The following DENND1B variants were observed in gnomAD, a reference collection of about 807,000 sequenced individuals.
DENND1B encodes DENN domain containing 1B, also known as DENN domain-containing protein 1B.
A neutral mutation model predicts 90.1 loss-of-function variants in DENND1B; 59 were observed. That is an observed-to-expected ratio of 0.65 (90% confidence interval 0.53 to 0.81). DENND1B has a LOEUF of 0.81. DENND1B is among the 40% of genes least tolerant of loss of function. The pLI is 0.00. For synonymous variants in DENND1B, 337 were observed against 324.6 expected (o/e 1.04, Z -0.41); for missense variants, 862 against 912.6 (o/e 0.94, Z 0.71).
At chr1:197,748,166 A>T (rs1652949711) in intron 2 of DENND1B, among the ~76,000 whole-genome samples, 1 of 152,092 alleles carries the variant, frequency 6.6e-6, no homozygotes, top group Non-Finnish European at 1.5e-5. Context: ...ATACTTAGTT[A>T]AAAAAGATAA....
intron 9 of DENND1B, among the ~76,000 whole-genome samples, chr1:197,645,142 G>A (rs533125379): frequency 6.7e-4 from 102 of 152,068 alleles, no homozygotes; most frequent in Non-Finnish European, 1.2e-3. Context: ...GAAAATTTTA[G>A]CAATTTTTAA....
intron 2 of DENND1B, among the ~76,000 whole-genome samples, chr1:197,765,978 T>C (rs956183538): frequency 7.2e-5 from 11 of 152,206 alleles, no homozygotes; most frequent in Non-Finnish European, 1.0e-4. Context: ...CATATAAAAG[T>C]ACATATATTC....
intron 20 of DENND1B, among the ~76,000 whole-genome samples, chr1:197,528,027 A>G (rs981423329): frequency 7.2e-5 from 11 of 152,178 alleles, no homozygotes; most frequent in South Asian, 2.1e-4. Flanking sequence ...CCAGAGTCCA[A>G]TGAATTCCTA....
chr1:197,728,148 G>GT (rs2102304536), intron 2 of DENND1B, among the ~76,000 whole-genome samples: 1 of 152,122 alleles, frequency 6.6e-6, no homozygotes, highest in African/African-American at 2.4e-5. Context: ...TTTTTAAAAA[G>GT]TGACCCTTCA....
intron 10 of DENND1B, among the ~76,000 whole-genome samples, chr1:197,634,080 G>A (rs773424898): frequency 6.6e-6 from 1 of 152,148 alleles, no homozygotes; most frequent in African/African-American, 2.4e-5. Flanking sequence ...TATCCAATGA[G>A]CCACACAGCT....
chr1:197,749,446 C>A (rs1222026312), intron 2 of DENND1B, among the ~76,000 whole-genome samples: 1 of 152,022 alleles, frequency 6.6e-6, no homozygotes. Flanking sequence ...TTAAAAACTT[C>A]TGCTTAGGTA....
chr1:197,641,604 C>T (rs1443472301), intron 10 of DENND1B, among the ~76,000 whole-genome samples: 1 of 151,888 alleles, frequency 6.6e-6, no homozygotes, highest in East Asian at 1.9e-4. Flanking sequence ...TTGAGATTTT[C>T]GTGAATTATA....
intron 16 of DENND1B, chr1:197,552,176 T>A (rs940038039): frequency 2.1e-6 from 2 of 967,710 alleles, no homozygotes; most frequent in African/African-American, 1.8e-5. Flanking sequence ...AGACTGAAGT[T>A]TTTTTTCCTC....
At chr1:197,707,636 TTATATAATATACA>T (rs1659704887) in intron 3 of DENND1B, among the ~76,000 whole-genome samples, 1 of 146,936 alleles carries the variant, frequency 6.8e-6, no homozygotes, top group African/African-American at 2.5e-5. Context: ...AATACATATA[TTATATAATATACA>T]TATATTATAT....
chr1:197,618,582 C>T (rs1327308229), intron 10 of DENND1B, among the ~76,000 whole-genome samples: 2 of 151,014 alleles, frequency 1.3e-5, no homozygotes, highest in Admixed American at 1.3e-4. Context: ...TTTTTTCTCC[C>T]ATCTTCTGAC....
intron 2 of DENND1B, among the ~76,000 whole-genome samples, chr1:197,751,933 GAGA>G (rs1325249652): frequency 7.2e-5 from 10 of 139,322 alleles, no homozygotes; most frequent in South Asian, 5.1e-4. Flanking sequence ...GGAGAAGAAA[GAGA>G]AGAAGGAGGA....
chr1:197,518,037 C>T (rs1469267806), intron 20 of DENND1B, among the ~76,000 whole-genome samples: 1 of 151,802 alleles, frequency 6.6e-6, no homozygotes, highest in East Asian at 1.9e-4. Flanking sequence ...ATTACATTCT[C>T]TCTCCCACCG....
chr1:197,600,383 G>A (rs1676094326), intron 13 of DENND1B, among the ~76,000 whole-genome samples: 1 of 151,686 alleles, frequency 6.6e-6, no homozygotes, highest in South Asian at 2.1e-4. Context: ...GTATGGCTGG[G>A]TTCAGACAAA....
At chr1:197,517,946 T>TG (rs1668516128) in intron 20 of DENND1B, among the ~76,000 whole-genome samples, 4 of 150,462 alleles carry the variant, frequency 2.7e-5, no homozygotes, top group East Asian at 3.9e-4. Flanking sequence ...TTTGTTTGTT[T>TG]TTTAGTTATC....
At position 197,604,955 on chromosome 1, in the gene DENND1B, A is replaced by T. The variant is rs914499860; in HGVS notation, c.921+2118T>A. On this transcript the variant is annotated intron_variant, in intron 13 of 22. Coordinates refer to ENST00000620048, the MANE Select transcript of DENND1B (RefSeq NM_001195215.2). Reference sequence around the variant, plus strand: ...TCTAAAAATCACCCAAAAAATTTTTAGAAAATTACTATAACTTTAAACCAT... The same window carrying T: ...TCTAAAAATCACCCAAAAAATTTTTTGAAAATTACTATAACTTTAAACCAT... Among the ~76,000 whole-genome samples, 4 of 151,138 alleles carry T rather than the reference A, an allele frequency of 2.6e-5. No homozygotes were observed. The Admixed American group carries it at 2.6e-4, about 10-fold the overall frequency.
At chr1:197,767,124 C>A (rs1047091221) in intron 2 of DENND1B, among the ~76,000 whole-genome samples, 3 of 151,902 alleles carry the variant, frequency 2.0e-5, no homozygotes, top group Admixed American at 1.3e-4. Context: ...TGTAAATATT[C>A]ATTAAACATG....
At chr1:197,716,204 C>T (rs1660629769) in intron 2 of DENND1B, among the ~76,000 whole-genome samples, 1 of 151,690 alleles carries the variant, frequency 6.6e-6, no homozygotes, top group African/African-American at 2.4e-5. Flanking sequence ...ACATTTTTAG[C>T]ATGAGCTGGC....
chr1:197,547,602 G>C (rs974493570), intron 16 of DENND1B, among the ~76,000 whole-genome samples: 4 of 152,120 alleles, frequency 2.6e-5, no homozygotes, highest in African/African-American at 9.7e-5. Context: ...TTTTCTGGAG[G>C]ATGAAACATG....
At chr1:197,683,657 C>T (rs535438176) in intron 3 of DENND1B, among the ~76,000 whole-genome samples, 5 of 152,136 alleles carry the variant, frequency 3.3e-5, no homozygotes, top group Admixed American at 1.3e-4. Flanking sequence ...TCCAATGTTA[C>T]GAAAGATAAA....
Sources: gnomAD v4.1 joint callset for allele counts (sites outside exome capture counted in the v4.1 genomes callset) on GRCh38, gnomAD v4.1.1 for gene constraint, MANE v1.5 for transcripts, NCBI Gene and HGNC (gene_info 2026-07-23, HGNC 2026-07-21) for gene names.